The following CFAP61 variants were observed in gnomAD, a reference collection of about 807,000 sequenced individuals.
The protein encoded by CFAP61 is cilia and flagella associated protein 61.
CFAP61 carries 107 observed loss-of-function variants against 135.6 expected under a neutral mutation model. That is an observed-to-expected ratio of 0.79 (90% CI 0.67 to 0.93). The LOEUF (loss-of-function observed/expected upper bound fraction) is 0.93, where lower values mean the gene tolerates loss of function less well. Ranked by LOEUF, CFAP61 falls within the 40% of genes least tolerant of loss-of-function variation. The probability of loss-of-function intolerance (pLI) is 0.00; values close to 1 mark genes in which losing one functional copy is unlikely to be tolerated. For synonymous variants in CFAP61, 575 were observed against 578.5 expected (o/e 0.99, Z 0.09); for missense variants, 1,507 against 1,556.2 (o/e 0.97, Z 0.53).
intron 1 of CFAP61, chr20:20,052,823 T>G (rs1364218173): frequency 8.3e-7 from 1 of 1,209,298 alleles, no homozygotes; most frequent in Non-Finnish European, 1.1e-6. Context: ...CGGGGCGAGC[T>G]GCCGCCCTTT....
intron 2 of CFAP61, among the ~76,000 whole-genome samples, chr20:20,059,113 G>A (rs1023863956): frequency 4.0e-5 from 6 of 151,866 alleles, no homozygotes; most frequent in Admixed American, 2.0e-4. Flanking sequence ...GGAGGATCAC[G>A]AGGTCAAGAG....
intron 26 of CFAP61, among the ~76,000 whole-genome samples, chr20:20,347,749 A>C (rs1198500254): frequency 6.6e-6 from 1 of 152,126 alleles, no homozygotes; most frequent in Non-Finnish European, 1.5e-5. Context: ...CCTGACCAAC[A>C]TGGTGAAACC....
intron 17 of CFAP61, 44 bp downstream of exon 17, chr20:20,199,946 C>T (rs1274625427): frequency 1.4e-5 from 22 of 1,605,296 alleles, no homozygotes; most frequent in Middle Eastern, 1.7e-4. Flanking sequence ...TGCCAGCTCC[C>T]GCGGGCCTGG....
At chr20:20,357,951 C>CTGAGGGGAGGTGGTCATAGTG (rs1390806891) in intron 26 of CFAP61, among the ~76,000 whole-genome samples, 7 of 76,944 alleles carry the variant, frequency 9.1e-5, no homozygotes, top group African/African-American at 4.3e-4. Flanking sequence ...GGTGGTCACA[C>CTGAGGGGAGGTGGTCATAGTG]TGAGGGGAGG....
chr20:20,313,070 C>G (rs1183816634), intron 25 of CFAP61, among the ~76,000 whole-genome samples: 2 of 152,150 alleles, frequency 1.3e-5, no homozygotes, highest in Non-Finnish European at 1.5e-5. Context: ...GCTCTAACCC[C>G]CTATGTGACT....
intron 18 of CFAP61, among the ~76,000 whole-genome samples, chr20:20,237,282 G>A (rs2049667549): frequency 6.6e-6 from 1 of 152,104 alleles, no homozygotes; most frequent in Admixed American, 6.5e-5. Flanking sequence ...CGGGTCCAGG[G>A]TTGAGTCACA....
At chr20:20,289,259 C>T (rs541058217) in intron 23 of CFAP61, among the ~76,000 whole-genome samples, 2 of 152,254 alleles carry the variant, frequency 1.3e-5, no homozygotes, top group Admixed American at 6.5e-5. Flanking sequence ...TGATGGTTTG[C>T]CCTGACATCT....
chr20:20,187,848 G>A, intron 13 of CFAP61, 82 bp from the exon 14 acceptor site: 1 of 1,028,378 alleles, frequency 9.7e-7, no homozygotes, highest in Non-Finnish European at 1.5e-6. Flanking sequence ...ATATAAGTGT[G>A]ATATATTACA....
chr20:20,287,940 A>G (rs1306920710), intron 22 of CFAP61, among the ~76,000 whole-genome samples: 1 of 152,192 alleles, frequency 6.6e-6, no homozygotes, highest in Non-Finnish European at 1.5e-5. Context: ...GGAGCATGCA[A>G]AGGGGTTGGT....
chr20:20,217,490 G>C (rs2048113388), intron 17 of CFAP61, among the ~76,000 whole-genome samples: 1 of 152,204 alleles, frequency 6.6e-6, no homozygotes, highest in African/African-American at 2.4e-5. Context: ...GAGTGAAAAT[G>C]GTGGCAAGAT....
rs1419795500 is a variant in CFAP61, at chr20:20,196,649, A to G, written c.1670A>G (p.His557Arg). The change falls in exon 16 of 27, where the codon CAC becomes CGC. Residue 557 changes from histidine (H) to arginine (R), a missense_variant. Transcript: ENST00000245957. Reference protein sequence around the residue: ...FSHHQREEHGHMHHFALNPIF... With the variant: ...FSHHQREEHGRMHHFALNPIF... ...CACCACCAGCGCGAAGAACACGGGC[A>G]CATGCATCACTTTGCCCTCAACCCC... The G allele has an allele frequency of 6.2e-7, 1 of 1,614,200 alleles. No homozygotes were observed. Among genetic ancestry groups the G allele is most frequent in the East Asian group, 2.2e-5 (1 of 44,886 alleles).
intron 9 of CFAP61, among the ~76,000 whole-genome samples, chr20:20,151,208 G>A (rs2207093): frequency 0.9 from 137,178 of 152,096 alleles, 62,671 homozygotes; most frequent in Middle Eastern, 0.99. Context: ...CATAAAGAAA[G>A]AAATATAGCT....
chr20:20,341,751 A>C, intron 25 of CFAP61, 80 bp from the exon 26 acceptor site: 1 of 997,526 alleles, frequency 1.0e-6, no homozygotes, highest in South Asian at 1.5e-5. Flanking sequence ...GTAATTTATA[A>C]AGGCAAAAAA....
intron 24 of CFAP61, among the ~76,000 whole-genome samples, chr20:20,296,467 T>C (rs998868139): frequency 6.2e-5 from 9 of 145,342 alleles, no homozygotes; most frequent in African/African-American, 2.0e-4. Context: ...CCTTCCTTCC[T>C]TCCTTTCTTT....
intron 26 of CFAP61, among the ~76,000 whole-genome samples, chr20:20,351,685 AT>A (rs2058843184): frequency 6.6e-6 from 1 of 152,182 alleles, no homozygotes. Context: ...TTTTTAACCA[AT>A]GAGTTAAAAG....
chr20:20,228,320 C>T lies in CFAP61; in HGVS notation c.2004C>T (p.Ile668=). The T allele has an allele frequency of 3.1e-6, 5 of 1,611,698 alleles. No individual in the cohort carries two copies. Among genetic ancestry groups the T allele is most frequent in the Non-Finnish European group, 4.2e-6 (5 of 1,178,060 alleles). Reference sequence around the variant, plus strand: ...CTAAAATTACTGTCAATGCCAAGATCATTGTGGTTGGTGCATCCAGTGTTG... The same window carrying T: ...CTAAAATTACTGTCAATGCCAAGATTATTGTGGTTGGTGCATCCAGTGTTG... ...LEPKITVNAK[I]IVVGASSVGI... The change falls in exon 18 of 27, where the codon ATC becomes ATT. Residue 668 remains isoleucine, a synonymous_variant. Transcript: ENST00000245957.
intron 24 of CFAP61, among the ~76,000 whole-genome samples, chr20:20,296,643 T>C (rs1396542220): frequency 6.6e-6 from 1 of 152,140 alleles, no homozygotes; most frequent in Non-Finnish European, 1.5e-5. Flanking sequence ...AATTAGAAGC[T>C]GCAGATAGTC....
intron 22 of CFAP61, among the ~76,000 whole-genome samples, chr20:20,285,284 T>G (rs373199334): frequency 1.3e-4 from 20 of 151,918 alleles, no homozygotes; most frequent in East Asian, 5.8e-4. Context: ...TGGTTTGTTT[T>G]TTTTGTTTTT....
At chr20:20,073,590 A>C (rs2045868530) in intron 3 of CFAP61, among the ~76,000 whole-genome samples, 1 of 152,226 alleles carries the variant, frequency 6.6e-6, no homozygotes, top group Non-Finnish European at 1.5e-5. Context: ...GTTCATAAGC[A>C]CAGGGGTACC....
Sources: allele counts gnomAD v4.1 joint callset (sites outside exome capture counted in the v4.1 genomes callset), GRCh38; gene constraint gnomAD v4.1.1; transcripts MANE v1.5; gene names NCBI Gene and HGNC (gene_info 2026-07-23, HGNC 2026-07-21).